The following DIABLO variants were observed in gnomAD, a reference collection of about 807,000 sequenced individuals.
DIABLO encodes the protein diablo homolog, mitochondrial.
Under a neutral mutation model 31.7 loss-of-function variants are expected in DIABLO, and 32 were observed. The observed-to-expected ratio is 1.01, with a 90% CI of 0.76 to 1.35. DIABLO has a LOEUF of 1.35. Ranked by LOEUF, DIABLO falls within the 40% of genes most tolerant of loss-of-function variation. The probability of loss-of-function intolerance (pLI) is 0.00; values close to 1 mark genes in which losing one functional copy is unlikely to be tolerated. For synonymous variants in DIABLO, 132 were observed against 103.2 expected (o/e 1.28, Z -1.69); for missense variants, 316 against 286.4 (o/e 1.10, Z -0.75).
intron 2 of DIABLO, chr12:122,221,738 T>C (rs1954338848): frequency 6.6e-6 from 1 of 152,116 alleles, no homozygotes; most frequent in African/African-American, 2.4e-5. Flanking sequence ...GGCATTGCTG[T>C]ACTAAATGAC....
At chr12:122,213,995 G>C (rs1361650717) in intron 5 of DIABLO, among the ~76,000 whole-genome samples, 1 of 152,104 alleles carries the variant, frequency 6.6e-6, no homozygotes, top group Non-Finnish European at 1.5e-5. Flanking sequence ...AGAGGCAAGA[G>C]AATTGCTTGA....
At chr12:122,209,364 AAAG>A (rs1341567978) in intron 5 of DIABLO, among the ~76,000 whole-genome samples, 4 of 149,478 alleles carry the variant, frequency 2.7e-5, no homozygotes, top group Non-Finnish European at 5.9e-5. Flanking sequence ...CTCAAAAAAA[AAAG>A]AAAAAAAGAA....
At position 122,215,496 on chromosome 12, in the gene DIABLO, T is replaced by C. The variant is rs980086517; in HGVS notation, c.523+992A>G. On this transcript the variant is annotated intron_variant, in intron 5 of 5. Transcript: ENST00000464942. ...GCGGGTGCCTGTAATCCCAGCTACTTGGGAGGCTGAGGCAGGAGAATCACT... is the reference window on the plus strand; with the variant it reads ...GCGGGTGCCTGTAATCCCAGCTACTCGGGAGGCTGAGGCAGGAGAATCACT... Among the ~76,000 whole-genome samples, 11 of 152,044 alleles carry C rather than the reference T, an allele frequency of 7.2e-5. No individual in the cohort carries two copies. In the East Asian group the frequency reaches 1.9e-3, roughly 27 times the overall value.
intron 2 of DIABLO, among the ~76,000 whole-genome samples, chr12:122,222,743 A>G (rs1384106254): frequency 1.3e-5 from 2 of 152,242 alleles, no homozygotes; most frequent in African/African-American, 2.4e-5. Context: ...TCTTACAAGA[A>G]GCACACAACC....
In DIABLO at chr12:122,225,985, G is replaced by T; in HGVS notation, c.30C>A (p.Arg10=). 1 of 1,602,000 alleles carries T rather than the reference G, an allele frequency of 6.2e-7. No homozygotes were observed. The part of the protein sequence containing the change: MAALKSWLS[R]SVTSFFRYRQ... ...GGTACCTGAAGAATGAAGTTACGCT[G>T]CGCGACAGCCAACTCTTCAGAGCCG... The change falls in exon 1 of 6, where the codon CGC becomes CGA. Residue 10 remains arginine (R), a synonymous_variant. Coordinates refer to ENST00000464942, the MANE Select transcript of DIABLO (RefSeq NM_001371333.1).
chr12:122,224,696 C>T, intron 1 of DIABLO, 52 bp from the exon 2 acceptor site: 1 of 1,613,942 alleles, frequency 6.2e-7, no homozygotes, highest in Non-Finnish European at 8.5e-7. Flanking sequence ...CTGTAACAGG[C>T]TCTTGGATTT....
At chr12:122,209,552 C>G in intron 5 of DIABLO, 1 of 526,822 alleles carries the variant, frequency 1.9e-6, no homozygotes, top group Admixed American at 3.2e-5. Flanking sequence ...GCAGTCTCAG[C>G]TACTTGGGAG....
Position 122,207,683 on chromosome 12 carries a change from T to G in DIABLO, c.*698A>C, listed in dbSNP as rs1953955084. 2 of 610,128 alleles carry G rather than the reference T, an allele frequency of 3.3e-6. No individual in the cohort carries two copies. The highest frequency in any genetic ancestry group is 2.1e-5 in the Admixed American group (1 of 47,158). 37.8% of individuals were successfully genotyped at this position (610,128 alleles called of 1,614,324 possible). ...TGCATAGGACCCCAGGAGAGACGCA[T>G]TTTCTCTTTCAGATGCAAACAAAAT... On this transcript the variant is annotated 3_prime_UTR_variant, in exon 6 of 6. Transcript: ENST00000464942.
intron 5 of DIABLO, 65 bp from the exon 6 acceptor site, chr12:122,208,642 T>C: frequency 5.8e-6 from 9 of 1,547,036 alleles, no homozygotes; most frequent in Non-Finnish European, 7.9e-6. Flanking sequence ...ATGTGGACGT[T>C]GGCCTGGGGG....
In DIABLO at chr12:122,217,223, T is replaced by A. The variant is rs187703398; in HGVS notation, c.316-354A>T. On this transcript the variant is annotated intron_variant, in intron 3 of 5. Transcript: ENST00000464942. ...TTGATTATCCATATACGCTAAAAAA[T>A]TTTTATTGGCCGGGTGCAGTGGCTC... 47 of 302,216 alleles carry A rather than the reference T, an allele frequency of 1.6e-4. No homozygotes were observed. The Admixed American group carries it at 2.0e-3, about 13-fold the overall frequency. 18.7% of individuals were successfully genotyped at this position (302,216 alleles called of 1,614,324 possible). A position where few individuals can be genotyped will look rare whatever the true frequency, so the allele number is the denominator to read the frequency against.
At chr12:122,213,059 T>G (rs1226570176) in intron 5 of DIABLO, among the ~76,000 whole-genome samples, 1 of 152,158 alleles carries the variant, frequency 6.6e-6, no homozygotes, top group East Asian at 1.9e-4. Flanking sequence ...AAGCTGGGAC[T>G]ACAGGCGCCC....
At position 122,218,337 on chromosome 12, in the gene DIABLO, T is replaced by C. The variant is rs763349592; in HGVS notation, c.244A>G (p.Thr82Ala). The change falls in exon 3 of 6, where the codon ACA (threonine) becomes GCA (alanine). Residue 82 changes from threonine (T) to alanine (A), a missense_variant. Coordinates refer to ENST00000464942, the MANE Select transcript of DIABLO (RefSeq NM_001371333.1). ...GAGAGAAAGGTAGAGGTGCTATCTG[T>C]TACCAAAGACACTGCTCTCCTCATC... The part of the protein sequence containing the change: ...ALMRRAVSLV[T>A]DSTSTFLSQT... 1.5e-5 allele frequency: 25 copies of C among 1,614,048 alleles called. No homozygotes were observed. The highest frequency in any genetic ancestry group is 2.1e-5 in the Non-Finnish European group (25 of 1,180,034).
intron 5 of DIABLO, among the ~76,000 whole-genome samples, chr12:122,215,598 C>G (rs372201958): frequency 6.6e-6 from 1 of 152,094 alleles, no homozygotes; most frequent in African/African-American, 2.4e-5. Flanking sequence ...GAACAAAACT[C>G]CATTAAAAAA....
At chr12:122,218,815 C>T (rs533034314) in intron 2 of DIABLO, 2 of 244,044 alleles carry the variant, frequency 8.2e-6, no homozygotes, top group East Asian at 1.1e-4. Flanking sequence ...TAGTGGTGTG[C>T]GTCTTTAATC....
chr12:122,211,823 G>A (rs1954094927), intron 5 of DIABLO, among the ~76,000 whole-genome samples: 1 of 152,074 alleles, frequency 6.6e-6, no homozygotes, highest in Non-Finnish European at 1.5e-5. Context: ...GCCTCATTAA[G>A]TACATTTCAT....
At chr12:122,220,935 TATA>T (rs1787943243) in intron 2 of DIABLO, 1 of 152,258 alleles carries the variant, frequency 6.6e-6, no homozygotes, top group South Asian at 2.1e-4. Flanking sequence ...TGCTACATTT[TATA>T]ATGTGTTTTC....
intron 5 of DIABLO, among the ~76,000 whole-genome samples, chr12:122,209,268 CAGG>C (rs1365778965): frequency 6.6e-6 from 1 of 151,474 alleles, no homozygotes; most frequent in Non-Finnish European, 1.5e-5. Context: ...GAGGCTGAGG[CAGG>C]AGAATAGCTT....
At chr12:122,215,948 A>T (rs911350669) in intron 5 of DIABLO, among the ~76,000 whole-genome samples, 1 of 150,204 alleles carries the variant, frequency 6.7e-6, no homozygotes, top group Non-Finnish European at 1.5e-5. Flanking sequence ...TACTCACCAT[A>T]CCGTGTCATC....
Position 122,218,314 on chromosome 12 carries a change from G to A in DIABLO, c.267C>T (p.Leu89=), listed in dbSNP as rs769015642. The A allele has an allele frequency of 1.3e-5, 21 of 1,614,176 alleles. No homozygotes were observed. Among genetic ancestry groups the A allele is most frequent in the Middle Eastern group, 1.6e-4 (1 of 6,062 alleles). Residue 89 remains leucine (L), a synonymous_variant, in exon 3 of 6, where the codon CTC becomes CTT. Coordinates refer to ENST00000464942, the MANE Select transcript of DIABLO (RefSeq NM_001371333.1). ...CAATCAACGCATATGTGGTCTGAGA[G>A]AGAAAGGTAGAGGTGCTATCTGTTA... The part of the protein sequence containing the change: ...SLVTDSTSTF[L]SQTTYALIEA...
Sources: gnomAD v4.1 joint callset for allele counts (sites outside exome capture counted in the v4.1 genomes callset) on GRCh38, gnomAD v4.1.1 for gene constraint, MANE v1.5 for transcripts, NCBI Gene and HGNC (gene_info 2026-07-23, HGNC 2026-07-21) for gene names.